OGDHL: variants seen among roughly 807,000 people sequenced by gnomAD.
OGDHL encodes the protein 2-oxoglutarate dehydrogenase-like, mitochondrial.
OGDHL carries 79 observed loss-of-function variants against 109.6 expected under a neutral mutation model. The observed-to-expected ratio is 0.72, with a 90% CI of 0.60 to 0.87. The LOEUF (loss-of-function observed/expected upper bound fraction) is 0.87. Among genes scored for constraint, OGDHL ranks in the 40% least tolerant of loss-of-function variants. The pLI, the probability that OGDHL is intolerant of heterozygous loss-of-function variation, is 0.00. For synonymous variants in OGDHL, 528 were observed against 537.2 expected (o/e 0.98, Z 0.24); for missense variants, 1,275 against 1,362.2 (o/e 0.94, Z 1.01).
chr10:49,759,682 T>G (rs1843149953), intron 1 of OGDHL, among the ~76,000 whole-genome samples: 2 of 152,020 alleles, frequency 1.3e-5, no homozygotes, highest in Admixed American at 1.3e-4. Flanking sequence ...ACCCTACAAC[T>G]GTGAGCAGAA....
intron 1 of OGDHL, among the ~76,000 whole-genome samples, chr10:49,760,317 G>A (rs1044743952): frequency 2.0e-5 from 3 of 152,206 alleles, no homozygotes; most frequent in Non-Finnish European, 4.4e-5. Flanking sequence ...GCCCTAGAGC[G>A]CGGGGCACTT....
intron 7 of OGDHL, 47 bp from the exon 8 acceptor site, chr10:49,749,863 T>C: frequency 6.6e-7 from 1 of 1,515,490 alleles, no homozygotes. Flanking sequence ...CCCGCAGGCC[T>C]CAGGGTTCCC....
chr10:49,747,477 C>A (rs1842282092), intron 8 of OGDHL, among the ~76,000 whole-genome samples: 1 of 152,192 alleles, frequency 6.6e-6, no homozygotes, highest in African/African-American at 2.4e-5. Flanking sequence ...GGAAGGCCAT[C>A]CAGCGGTGGG....
At chr10:49,738,364 A>T in intron 17 of OGDHL, 102 bp from the exon 18 acceptor site, 1 of 1,211,164 alleles carries the variant, frequency 8.3e-7, no homozygotes, top group Non-Finnish European at 1.2e-6. Context: ...AGGGCTTCTC[A>T]GCAGAGGTGC....
Position 49,746,866 on chromosome 10 carries a change from G to A in OGDHL, c.1180C>T (p.Leu394=). 1 of 1,614,162 alleles carries A rather than the reference G, an allele frequency of 6.2e-7. No individual in the cohort carries two copies. Among genetic ancestry groups the A allele is most frequent in the South Asian group, 1.1e-5 (1 of 91,086 alleles). Reference sequence around the variant, plus strand: ...GCAAAGGCGGCGTCCCCATGAACCAGGATGGACATGACCTGCAGGGCAGGT... The same window carrying A: ...GCAAAGGCGGCGTCCCCATGAACCAAGATGGACATGACCTGCAGGGCAGGT... ...DAQGKKVMSI[L]VHGDAAFAGQ... is the part of the protein sequence containing the mutation. Residue 394 remains leucine (L), a synonymous_variant, in exon 10 of 23, where the codon CTG becomes TTG. Coordinates refer to ENST00000374103, the MANE Select transcript of OGDHL (RefSeq NM_018245.3).
Position 49,743,366 on chromosome 10 carries a change from G to A in OGDHL, c.1862-388C>T, listed in dbSNP as rs564166605. Among the ~76,000 whole-genome samples, 44 of 150,470 alleles carry A rather than the reference G, an allele frequency of 2.9e-4. 1 individual carries two copies. The highest frequency in any genetic ancestry group is 3.4e-3 in the Middle Eastern group (1 of 294). The stretch of plus-strand genomic sequence containing the variant: ...AACAGAGCGGGCACATGCCCCAAAC[G>A]CTGTCAGCAGCTGCCCCAGGACATT... On this transcript the variant is annotated intron_variant, in intron 14 of 22. Coordinates refer to ENST00000374103, the MANE Select transcript of OGDHL (RefSeq NM_018245.3).
rs1417315768 is a variant in OGDHL at position 49,751,981 on chromosome 10, T to C, written c.595A>G (p.Asn199Asp). 2.6e-5 allele frequency: 42 copies of C among 1,614,000 alleles called. No individual in the cohort carries two copies. The highest frequency in any genetic ancestry group is 3.4e-5 in the Non-Finnish European group (40 of 1,180,036). ...SLREIIRRLE[N>D]TYCQHIGLEF... ...AGGCCAATGTGCTGGCAGTAGGTGT[T>C]CTGGGGAGACACATTGGGACCCCAT... The change falls in exon 6 of 23, where the codon AAC becomes GAC. Residue 199 changes from asparagine (N) to aspartate (D), a missense_variant and splice_region_variant. Asn to Asp is a conservative substitution (Grantham distance 23). Coordinates refer to ENST00000374103, the MANE Select transcript of OGDHL (RefSeq NM_018245.3).
chr10:49,750,899 G>A lies in OGDHL; in HGVS notation c.836C>T (p.Thr279Ile). The A allele has an allele frequency of 2.5e-6, 4 of 1,612,712 alleles. No homozygotes were observed. Among genetic ancestry groups the A allele is most frequent in the Non-Finnish European group, 3.4e-6 (4 of 1,179,364 alleles). The change falls in exon 7 of 23, where the codon ACC becomes ATC. Residue 279 changes from threonine (T) to isoleucine (I), a missense_variant. Coordinates refer to ENST00000374103, the MANE Select transcript of OGDHL (RefSeq NM_018245.3). The part of the protein sequence containing the change: ...GCEVMIPALK[T>I]IIDKSSEMGI... Reference sequence around the variant, plus strand: ...CATCTCGCTGGATTTGTCGATGATGGTCTTGAGGGCAGGAATCATCACTTC... The same window carrying A: ...CATCTCGCTGGATTTGTCGATGATGATCTTGAGGGCAGGAATCATCACTTC...
intron 22 of OGDHL, 94 bp from the exon 23 acceptor site, chr10:49,735,445 G>T: frequency 6.8e-7 from 1 of 1,461,212 alleles, no homozygotes. Flanking sequence ...ACGCATCTGA[G>T]AACCGCTGAC....
At chr10:49,745,686 C>A in intron 11 of OGDHL, 112 bp downstream of exon 11, 1 of 1,373,578 alleles carries the variant, frequency 7.3e-7, no homozygotes, top group Admixed American at 2.0e-5. Context: ...ATAAATCTCT[C>A]ATCCAAGAAG....
rs1841144964 is a variant in OGDHL at position 49,736,083 on chromosome 10, C to T, written c.2849G>A (p.Gly950Asp). The change falls in exon 22 of 23, where the codon GGC becomes GAC. Residue 950 changes from glycine to aspartate, a missense_variant. Gly to Asp is a moderately conservative substitution (Grantham distance 94). Coordinates refer to ENST00000374103, the MANE Select transcript of OGDHL (RefSeq NM_018245.3). ...GCGTGGGCTGATGTAGTCATAGTAG[C>T]CCATGTTCTTGTGCTCCTCCTGACA... ...AWCQEEHKNM[G>D]YYDYISPRFM... is the part of the protein sequence containing the mutation. 6.2e-7 allele frequency: 1 copy of T among 1,611,784 alleles called. No homozygotes were observed. Among genetic ancestry groups the T allele is most frequent in the South Asian group, 1.1e-5 (1 of 90,672 alleles).
chr10:49,750,916 C>G lies in OGDHL; in HGVS notation c.819G>C (p.Met273Ile). The G allele has an allele frequency of 6.2e-7, 1 of 1,612,530 alleles. No homozygotes were observed. Among genetic ancestry groups the G allele is most frequent in the Non-Finnish European group, 8.5e-7 (1 of 1,179,258 alleles). ...KRFGLEGCEV[M>I]IPALKTIIDK... ...CGATGATGGTCTTGAGGGCAGGAAT[C>G]ATCACTTCACAGCCCTCCAGGCCAA... The change falls in exon 7 of 23, where the codon ATG (methionine) becomes ATC (isoleucine). Residue 273 changes from methionine to isoleucine, a missense_variant. Coordinates refer to ENST00000374103, the MANE Select transcript of OGDHL (RefSeq NM_018245.3).
At chr10:49,746,906 G>C in intron 9 of OGDHL, 28 bp from the exon 10 acceptor site, 1 of 1,613,814 alleles carries the variant, frequency 6.2e-7, no homozygotes, top group Non-Finnish European at 8.5e-7. Context: ...GCCAGGAGGG[G>C]CTGCGTGCCC....
intron 13 of OGDHL, 95 bp downstream of exon 13, chr10:49,744,555 A>G (rs1842037053): frequency 1.1e-5 from 11 of 963,536 alleles, no homozygotes; most frequent in Non-Finnish European, 1.6e-5. Flanking sequence ...AGACTAGGCA[A>G]TGACAGCTGT....
chr10:49,745,406 C>G lies in OGDHL; in HGVS notation c.1567G>C (p.Val523Leu). ...MYKQIHRQVP[V>L]LKKYADKLIA... ...AGCTTGTCTGCGTACTTCTTCAGCA[C>G]AGGCACCTGTCTGTGGATCTGCTTG... The change falls in exon 12 of 23, where the codon GTG becomes CTG. Residue 523 changes from valine to leucine, a missense_variant. Physicochemically the swap from Val to Leu is conservative, Grantham distance 32. Transcript: ENST00000374103. The G allele has an allele frequency of 2.5e-6, 4 of 1,614,168 alleles. No individual in the cohort carries two copies. Among genetic ancestry groups the G allele is most frequent in the Non-Finnish European group, 3.4e-6 (4 of 1,180,048 alleles).
At chr10:49,756,702 C>A in intron 3 of OGDHL, 74 bp downstream of exon 3, 1 of 1,419,462 alleles carries the variant, frequency 7.0e-7, no homozygotes, top group Non-Finnish European at 9.4e-7. Context: ...GAGCTGAGAC[C>A]CCTTCCCTTC....
At chr10:49,756,138 C>T (rs1280671484) in intron 3 of OGDHL, among the ~76,000 whole-genome samples, 6 of 152,236 alleles carry the variant, frequency 3.9e-5, no homozygotes, top group Non-Finnish European at 1.5e-5. Context: ...TGCTGCCTCA[C>T]ATTTCCCTGA....
chr10:49,752,704 C>A lies in OGDHL; in HGVS notation c.412G>T (p.Gly138Cys). The part of the protein sequence containing the change: ...GHHVAQLDPL[G>C]ILDADLDSFV... Reference sequence around the variant, plus strand: ...GAGTCCAGGTCTGCATCCAGAATGCCCAGGGGGTCCAGCTGGGCCACATGG... The same window carrying A: ...GAGTCCAGGTCTGCATCCAGAATGCACAGGGGGTCCAGCTGGGCCACATGG... The change falls in exon 4 of 23, where the codon GGC becomes TGC. Residue 138 changes from glycine to cysteine, a missense_variant. Transcript: ENST00000374103. The A allele has an allele frequency of 6.2e-7, 1 of 1,614,140 alleles. No individual in the cohort carries two copies. Among genetic ancestry groups the A allele is most frequent in the Non-Finnish European group, 8.5e-7 (1 of 1,180,004 alleles).
rs1009862296 is a variant in OGDHL, at chr10:49,755,301, GAT to G, written c.375+1473_375+1474del. 7.4e-4 allele frequency among the ~76,000 whole-genome samples: 112 copies of G among 152,280 alleles called. 1 individual carries two copies. Among genetic ancestry groups the G allele is most frequent in the African/African-American group, 2.6e-3 (109 of 41,566 alleles). On this transcript the variant is annotated intron_variant, in intron 3 of 22. Transcript: ENST00000374103. ...AAACACAAATGTCAACTGCATATTT[GAT>G]ATTAGGCATTATTATGTTTAGATGC...
Sources: gnomAD v4.1 joint callset for allele counts (sites outside exome capture counted in the v4.1 genomes callset) on GRCh38, gnomAD v4.1.1 for gene constraint, MANE v1.5 for transcripts, NCBI Gene and HGNC (gene_info 2026-07-23, HGNC 2026-07-21) for gene names.